GAB1: variants seen among roughly 807,000 people sequenced by gnomAD.
GAB1 encodes the protein GRB2-associated-binding protein 1.
A neutral mutation model predicts 66.5 loss-of-function variants in GAB1; 19 were observed. That is an observed-to-expected ratio of 0.29 (90% CI 0.20 to 0.42). The LOEUF (loss-of-function observed/expected upper bound fraction) is 0.42, where lower values mean the gene tolerates loss of function less well. Ranked by LOEUF, GAB1 falls within the 10% of genes least tolerant of loss-of-function variation. The pLI is 1.00. For missense variants in GAB1, 732 were observed against 858.5 expected (o/e 0.85, Z 1.84); for synonymous variants, 294 against 301.4 (o/e 0.98, Z 0.25).
rs552421516 is a variant in GAB1, at chr4:143,471,668, G to T, written c.*2479G>T. 7 of 152,176 alleles carry T rather than the reference G, an allele frequency of 4.6e-5. No homozygotes were observed. Among genetic ancestry groups the T allele is most frequent in the Admixed American group, 2.6e-4 (4 of 15,280 alleles). 9.4% of individuals were successfully genotyped at this position (152,176 alleles called of 1,614,324 possible). ...ATTTGTATACTATCAAGAAAATTTT[G>T]ATTCACACAAATGTAAGCAAAAATA... On this transcript the variant is annotated 3_prime_UTR_variant, in exon 10 of 10. Coordinates refer to ENST00000262994, the MANE Select transcript of GAB1 (RefSeq NM_002039.4).
At chr4:143,345,854 A>T (rs1257827130) in intron 1 of GAB1, among the ~76,000 whole-genome samples, 1 of 152,250 alleles carries the variant, frequency 6.6e-6, no homozygotes, top group Non-Finnish European at 1.5e-5. Context: ...GAAATCCTGG[A>T]CATAAGCATT....
intron 1 of GAB1, among the ~76,000 whole-genome samples, chr4:143,401,860 G>C (rs1289941637): frequency 1.3e-5 from 2 of 152,066 alleles, no homozygotes; most frequent in East Asian, 3.8e-4. Flanking sequence ...CTTTTCAGTT[G>C]ACGTTGTTGC....
chr4:143,383,931 C>T (rs907092144), intron 1 of GAB1, among the ~76,000 whole-genome samples: 20 of 152,042 alleles, frequency 1.3e-4, no homozygotes, highest in Admixed American at 2.6e-4. Flanking sequence ...AAAAACTACC[C>T]GGGCGTGGTA....
intron 1 of GAB1, among the ~76,000 whole-genome samples, chr4:143,399,120 T>C (rs1017379081): frequency 2.0e-5 from 3 of 152,232 alleles, no homozygotes; most frequent in African/African-American, 4.8e-5. Flanking sequence ...CAGAGTTGTC[T>C]TTATGGAAAT....
chr4:143,463,950 T>C (rs1735639199), intron 8 of GAB1, among the ~76,000 whole-genome samples: 2 of 152,242 alleles, frequency 1.3e-5, no homozygotes, highest in Admixed American at 1.3e-4. Context: ...TACAAATTTA[T>C]GCATTTCTTT....
intron 6 of GAB1, among the ~76,000 whole-genome samples, chr4:143,453,233 C>T (rs1271703220): frequency 6.6e-6 from 1 of 151,992 alleles, no homozygotes. Context: ...CTAAAATTAA[C>T]CTTAAGCTTT....
In GAB1 at chr4:143,350,018, G is replaced by A. The variant is rs1452965567; in HGVS notation, c.72+12758G>A. On this transcript the variant is annotated intron_variant, in intron 1 of 9. Coordinates refer to ENST00000262994, the MANE Select transcript of GAB1 (RefSeq NM_002039.4). ...GCCTTGCCTCCGCGACCCCGGCCCC[G>A]GATGCCACTGCCGAAACCTCCGCGG... The A allele has an allele frequency of 3.2e-6, 5 of 1,561,022 alleles. No individual in the cohort carries two copies. The East Asian group carries it at 6.8e-5, about 21-fold the overall frequency.
chr4:143,391,312 T>C (rs924184417), intron 1 of GAB1: 1 of 152,206 alleles, frequency 6.6e-6, no homozygotes. Flanking sequence ...AGGGAGTCTT[T>C]TAAGTATTGA....
In GAB1 at chr4:143,373,886, T is replaced by TA. The variant is rs1560726035; in HGVS notation, c.72+36626_72+36627insA. ...ATAAATAAATATATATATATATATA[T>TA]TTTTACCTTTCTAACATTGCAGGGA... is the stretch of plus-strand genomic sequence containing the variant. On this transcript the variant is annotated intron_variant, in intron 1 of 9. Transcript: ENST00000262994. Among the ~76,000 whole-genome samples, 419 of 128,108 alleles carry TA rather than the reference T, an allele frequency of 3.3e-3. 15 individuals carry two copies. Among genetic ancestry groups the TA allele is most frequent in the Middle Eastern group, 0.024 (6 of 250 alleles). The allele number at this position is 128,108 out of a possible 152,430, so 84.0% of individuals were successfully genotyped here.
rs1273654729 is a variant in GAB1, at chr4:143,349,942, T to A, written c.72+12682T>A. 8 of 1,595,124 alleles carry A rather than the reference T, an allele frequency of 5.0e-6. No individual in the cohort carries two copies. In the East Asian group the frequency reaches 1.6e-4, roughly 31 times the overall value. ...CTCCTCCAGGGACTTGATCTTCATG[T>A]CCTTGACCAAGCGGCCCAACTTGGT... is the stretch of plus-strand genomic sequence containing the variant. On this transcript the variant is annotated intron_variant, in intron 1 of 9. Coordinates refer to ENST00000262994, the MANE Select transcript of GAB1 (RefSeq NM_002039.4).
intron 2 of GAB1, among the ~76,000 whole-genome samples, chr4:143,426,232 G>C (rs1198242147): frequency 1.3e-5 from 2 of 152,128 alleles, no homozygotes; most frequent in Non-Finnish European, 2.9e-5. Context: ...CAGGTGAATG[G>C]GTCTTAACAG....
At chr4:143,429,760 G>A (rs541495048) in intron 2 of GAB1, among the ~76,000 whole-genome samples, 1 of 152,170 alleles carries the variant, frequency 6.6e-6, no homozygotes, top group South Asian at 2.1e-4. Context: ...TTCTCCAATT[G>A]CATCCTGTTG....
rs1217573587 is a variant in GAB1, at chr4:143,415,903, GA to G, written c.367+137del. The G allele has an allele frequency of 4.1e-6, 3 of 726,602 alleles. No individual in the cohort carries two copies. The African/African-American group carries it at 5.5e-5, about 13-fold the overall frequency. The allele number at this position is 726,602 out of a possible 1,614,324, so 45.0% of individuals were successfully genotyped here. On this transcript the variant is annotated intron_variant, in intron 2 of 9. Transcript: ENST00000262994. ...TTTTATAATAGGAACTTGACATTTG[GA>G]AAAAGCACTGAATCCTTTAATTAGT...
chr4:143,425,439 C>T (rs1383596021), intron 2 of GAB1: 2 of 759,740 alleles, frequency 2.6e-6, no homozygotes, highest in Non-Finnish European at 4.8e-6. Context: ...GAAGACCAGC[C>T]TCTCATAGAG....
At chr4:143,450,890 CAA>C (rs66519270) in intron 6 of GAB1, among the ~76,000 whole-genome samples, 10 of 138,774 alleles carry the variant, frequency 7.2e-5, no homozygotes, top group South Asian at 2.2e-4. Context: ...GACTGCATCT[CAA>C]AAAAAAAAAA....
intron 3 of GAB1, chr4:143,434,261 A>T: frequency 2.2e-6 from 1 of 449,614 alleles, no homozygotes; most frequent in Non-Finnish European, 3.5e-6. Flanking sequence ...TACAAATTGG[A>T]TGTTAGTGAA....
chr4:143,466,036 G>A, intron 8 of GAB1, 67 bp from the exon 9 acceptor site: 1 of 1,560,804 alleles, frequency 6.4e-7, no homozygotes, highest in Non-Finnish European at 8.7e-7. Flanking sequence ...TTCCGTAGAT[G>A]TTCAACAGTA....
chr4:143,447,508 C>A (rs1171383811), intron 6 of GAB1, among the ~76,000 whole-genome samples: 1 of 152,170 alleles, frequency 6.6e-6, no homozygotes, highest in African/African-American at 2.4e-5. Flanking sequence ...AGAGGTCCTT[C>A]ACATCCCTTG....
At chr4:143,462,902 T>G (rs980510946) in intron 8 of GAB1, among the ~76,000 whole-genome samples, 1 of 152,222 alleles carries the variant, frequency 6.6e-6, no homozygotes, top group African/African-American at 2.4e-5. Context: ...CCTCAAATGA[T>G]CTGCCTGCCT....
Sources: gnomAD v4.1 joint callset for allele counts (sites outside exome capture counted in the v4.1 genomes callset) on GRCh38, gnomAD v4.1.1 for gene constraint, MANE v1.5 for transcripts, NCBI Gene and HGNC (gene_info 2026-07-23, HGNC 2026-07-21) for gene names.